Variants in RARB observed in about 807,000 individuals in gnomAD.
RARB encodes the protein retinoic acid receptor beta.
Under a neutral mutation model 51.9 loss-of-function variants are expected in RARB, and 17 were observed. The ratio of observed to expected loss-of-function variants is 0.33; its 90% CI spans 0.22 to 0.49. The LOEUF is 0.49. RARB is among the 20% of genes least tolerant of loss of function. The probability of loss-of-function intolerance (pLI) is 0.99; values close to 1 mark genes in which losing one functional copy is unlikely to be tolerated. For missense variants in RARB, 369 were observed against 550.8 expected (o/e 0.67, Z 3.30); for synonymous variants, 215 against 195.4 (o/e 1.10, Z -0.84).
intron 5 of RARB, among the ~76,000 whole-genome samples, chr3:25,340,143 C>G (rs1402262500): frequency 6.6e-6 from 1 of 152,090 alleles, no homozygotes; most frequent in Admixed American, 6.6e-5. Flanking sequence ...ATGTTTCTCC[C>G]TTTCAAGAAG....
chr3:24,860,761 T>G (rs182612615), intron 2 of RARB, among the ~76,000 whole-genome samples: 1 of 152,182 alleles, frequency 6.6e-6, no homozygotes, highest in Non-Finnish European at 1.5e-5. Flanking sequence ...GCATAACTTG[T>G]GTCAGGTGAT....
intron 4 of RARB, among the ~76,000 whole-genome samples, chr3:25,571,909 C>T (rs1359486473): frequency 1.3e-5 from 2 of 152,226 alleles, no homozygotes; most frequent in African/African-American, 4.8e-5. Flanking sequence ...AACTGACCCT[C>T]CAGAGACCTG....
chr3:24,942,795 C>T (rs1425139112), intron 2 of RARB, among the ~76,000 whole-genome samples: 1 of 152,178 alleles, frequency 6.6e-6, no homozygotes, highest in Non-Finnish European at 1.5e-5. Context: ...CAACATACCT[C>T]ACTTTTTTTC....
intron 2 of RARB, among the ~76,000 whole-genome samples, chr3:24,913,174 CG>C (rs1695034150): frequency 6.6e-6 from 1 of 151,350 alleles, no homozygotes. Flanking sequence ...TTAGTAGAGA[CG>C]GGGTTTCACT....
At chr3:25,176,326 TTTCTTTCTTTCCTTCC>T in intron 5 of RARB, among the ~76,000 whole-genome samples, 5 of 46,010 alleles carry the variant, frequency 1.1e-4, no homozygotes, top group African/African-American at 3.5e-4. Context: ...TCTTTCTTTC[TTTCTTTCTTTCCTTCC>T]TTCCTTCCTT....
chr3:25,113,298 G>A (rs190372426), intron 3 of RARB, among the ~76,000 whole-genome samples: 6 of 152,180 alleles, frequency 3.9e-5, no homozygotes, highest in South Asian at 2.1e-4. Flanking sequence ...CTTGGGAGAC[G>A]CTGATAAGGA....
chr3:25,101,841 T>C (rs1050018892), intron 3 of RARB, among the ~76,000 whole-genome samples: 4 of 152,054 alleles, frequency 2.6e-5, no homozygotes, highest in Non-Finnish European at 5.9e-5. Flanking sequence ...CATATCCTCT[T>C]CCACCCTGGG....
At chr3:24,982,937 G>C (rs960477428) in intron 2 of RARB, among the ~76,000 whole-genome samples, 1 of 152,160 alleles carries the variant, frequency 6.6e-6, no homozygotes, top group Non-Finnish European at 1.5e-5. Context: ...ATTAGCACAA[G>C]TAAGAATTCT....
chr3:24,907,371 A>C (rs935128032), intron 2 of RARB, among the ~76,000 whole-genome samples: 1 of 152,230 alleles, frequency 6.6e-6, no homozygotes, highest in African/African-American at 2.4e-5. Flanking sequence ...CTAGGGCCAC[A>C]CTTAGTATCG....
At chr3:25,156,365 C>T (rs908332100) in intron 4 of RARB, among the ~76,000 whole-genome samples, 1 of 151,904 alleles carries the variant, frequency 6.6e-6, no homozygotes, top group Non-Finnish European at 1.5e-5. Flanking sequence ...CAACAGAGGC[C>T]AGTTAGCCCT....
At chr3:25,278,317 A>ACCC (rs1703441201) in intron 5 of RARB, among the ~76,000 whole-genome samples, 1 of 152,214 alleles carries the variant, frequency 6.6e-6, no homozygotes, top group Non-Finnish European at 1.5e-5. Flanking sequence ...TGTGAGCTTT[A>ACCC]AATATGATGC....
chr3:25,381,192 A>T (rs1706614174), intron 5 of RARB, among the ~76,000 whole-genome samples: 1 of 152,200 alleles, frequency 6.6e-6, no homozygotes, highest in Non-Finnish European at 1.5e-5. Flanking sequence ...AAACTTGACC[A>T]AGGCTAACGT....
intron 5 of RARB, among the ~76,000 whole-genome samples, chr3:25,263,897 G>T (rs1180657591): frequency 6.6e-6 from 1 of 152,154 alleles, no homozygotes; most frequent in Non-Finnish European, 1.5e-5. Flanking sequence ...TCTGAAGGGG[G>T]AGAGCCCTTT....
chr3:25,261,755 T>C (rs1382002045), intron 5 of RARB, among the ~76,000 whole-genome samples: 13 of 152,276 alleles, frequency 8.5e-5, no homozygotes, highest in Non-Finnish European at 1.2e-4. Context: ...GGTCACCTAC[T>C]CTAGAAATGC....
At position 24,871,911 on chromosome 3, in the gene RARB, G is replaced by A. The variant is rs552145559; in HGVS notation, c.-380+13159G>A. 7.2e-5 allele frequency among the ~76,000 whole-genome samples: 11 copies of A among 152,088 alleles called. No individual in the cohort carries two copies. In the South Asian group the frequency reaches 1.2e-3, roughly 17 times the overall value. On this transcript the variant is annotated intron_variant, in intron 2 of 11. Coordinates refer to the RARB transcript ENST00000383772. ...TTAGCTCTTCTTTCAAAATAGATGC[G>A]GAATCTTATCCCATCTCACCACTTC...
intron 5 of RARB, among the ~76,000 whole-genome samples, chr3:25,231,123 A>G (rs761281504): frequency 1.9e-4 from 29 of 152,160 alleles, no homozygotes; most frequent in Admixed American, 6.6e-4. Context: ...AAATACTTCT[A>G]TACCAAGAAG....
chr3:24,888,416 T>A (rs1703305396), intron 2 of RARB, among the ~76,000 whole-genome samples: 1 of 152,112 alleles, frequency 6.6e-6, no homozygotes, highest in African/African-American at 2.4e-5. Flanking sequence ...TCTTTTTTTA[T>A]TTTTATTTTT....
chr3:24,856,648 A>T (rs532892477), intron 1 of RARB, among the ~76,000 whole-genome samples: 10 of 152,270 alleles, frequency 6.6e-5, no homozygotes, highest in African/African-American at 2.4e-4. Flanking sequence ...AAAATAAACC[A>T]TTCCTCAACA....
chr3:25,483,314 A>G (rs1308176273), intron 2 of RARB, among the ~76,000 whole-genome samples: 5 of 152,248 alleles, frequency 3.3e-5, no homozygotes, highest in African/African-American at 1.2e-4. Context: ...GTACATATAT[A>G]GTCTTCACTA....
Sources: gnomAD v4.1 joint callset for allele counts (sites outside exome capture counted in the v4.1 genomes callset) on GRCh38, gnomAD v4.1.1 for gene constraint, MANE v1.5 for transcripts, NCBI Gene and HGNC (gene_info 2026-07-23, HGNC 2026-07-21) for gene names.